SLC25A15: variants seen among roughly 807,000 people sequenced by gnomAD.
The protein encoded by SLC25A15 is solute carrier family 25 member 15.
Under a neutral mutation model 32.3 loss-of-function variants are expected in SLC25A15, and 24 were observed. That is an observed-to-expected ratio of 0.74 (90% CI 0.54 to 1.04). SLC25A15 has a LOEUF of 1.04. Ranked by LOEUF, SLC25A15 falls within the 50% of genes least tolerant of loss-of-function variation. The pLI is 0.00. For synonymous variants in SLC25A15, 132 were observed against 142.1 expected, an observed-to-expected ratio of 0.93 and a Z score of 0.51; for missense variants, 317 against 374.5, an observed-to-expected ratio of 0.85 and a Z score of 1.27.
At chr13:40,796,669 G>T (rs1438641645) in intron 2 of SLC25A15, among the ~76,000 whole-genome samples, 1 of 152,112 alleles carries the variant, frequency 6.6e-6, no homozygotes, top group East Asian at 1.9e-4. Flanking sequence ...GCCTCCAGAG[G>T]GGTTTGAGGG....
At chr13:40,793,776 T>C (rs1176597634) in intron 2 of SLC25A15, among the ~76,000 whole-genome samples, 1 of 152,208 alleles carries the variant, frequency 6.6e-6, no homozygotes, top group Non-Finnish European at 1.5e-5. Flanking sequence ...GTTCAGAGAG[T>C]AGCAGAAGCT....
intron 2 of SLC25A15, among the ~76,000 whole-genome samples, chr13:40,796,884 T>C (rs1277653835): frequency 6.6e-6 from 1 of 152,214 alleles, no homozygotes; most frequent in East Asian, 1.9e-4. Flanking sequence ...TATGACATAA[T>C]CTGAGTGCCT....
chr13:40,796,610 A>C (rs1881676850), intron 2 of SLC25A15, among the ~76,000 whole-genome samples: 1 of 152,152 alleles, frequency 6.6e-6, no homozygotes, highest in Non-Finnish European at 1.5e-5. Context: ...TTTTGATTGG[A>C]GTTTCTTGAA....
At chr13:40,796,482 G>C (rs1330231463) in intron 2 of SLC25A15, among the ~76,000 whole-genome samples, 6 of 152,248 alleles carry the variant, frequency 3.9e-5, no homozygotes, top group Non-Finnish European at 7.3e-5. Flanking sequence ...AAACAATGCA[G>C]TCACTACTTT....
At position 40,805,124 on chromosome 13, in the gene SLC25A15, G is replaced by A. The variant is rs750924937; in HGVS notation, c.321G>A (p.Leu107=). ...TCTGCTTGTGTGCTTTCAGTGATCTGCAGAATGCAGCCGCCGGTTCCTTCG... is the reference window on the plus strand; with the variant it reads ...TCTGCTTGTGTGCTTTCAGTGATCTACAGAATGCAGCCGCCGGTTCCTTCG... The part of the protein sequence containing the change: ...GLDKQAKLSD[L]QNAAAGSFAS... The change falls in exon 4 of 7, where the codon CTG becomes CTA. Residue 107 remains leucine (L), a synonymous_variant. Transcript: ENST00000338625. 3.1e-6 allele frequency: 5 copies of A among 1,614,054 alleles called. No homozygotes were observed. The highest frequency in any genetic ancestry group is 4.2e-6 in the Non-Finnish European group (5 of 1,179,968).
Position 40,798,808 on chromosome 13 carries a change from C to T in SLC25A15, c.56-249C>T, listed in dbSNP as rs2297013. ...TCCTACATATTCACTGCACTGTTTG[C>T]CGCTGTTGAACACATGTCTGTCTCT... On this transcript the variant is annotated intron_variant, in intron 2 of 6. Coordinates refer to ENST00000338625, the MANE Select transcript of SLC25A15 (RefSeq NM_014252.4). 0.4 allele frequency: 392,057 copies of T among 983,536 alleles called. 79,484 individuals carry two copies. Among genetic ancestry groups the T allele is most frequent in the East Asian group, 0.51 (4,493 of 8,792 alleles). 60.9% of individuals were successfully genotyped at this position (983,536 alleles called of 1,614,324 possible).
rs1168908173 is a variant in SLC25A15 at position 40,810,966 on chromosome 13, T to G, written c.*1299T>G. On this transcript the variant is annotated 3_prime_UTR_variant, in exon 7 of 7. Transcript: ENST00000338625. ...GTGAGAGCCAAAGCCAAGAGAAGCC[T>G]TCTTCCCTGTTTGGTGATTGTGTGA... is the stretch of plus-strand genomic sequence containing the variant. 1 of 433,772 alleles carries G rather than the reference T, an allele frequency of 2.3e-6. No individual in the cohort carries two copies. The highest frequency in any genetic ancestry group is 4.7e-6 in the Non-Finnish European group (1 of 213,920). The allele number at this position is 433,772 out of a possible 1,614,324, so 26.9% of individuals were successfully genotyped here.
chr13:40,805,266 C>T lies in SLC25A15; in HGVS notation c.452+11C>T. 3 of 1,614,098 alleles carry T rather than the reference C, an allele frequency of 1.9e-6. No homozygotes were observed. Among genetic ancestry groups the T allele is most frequent in the Non-Finnish European group, 2.5e-6 (3 of 1,179,984 alleles). ...AGCCAAGAGCCAGAAGTAAGCACCA[C>T]TTGGGCACAAACGTCAGGTCTCTAT... On this transcript the variant is annotated intron_variant, in intron 4 of 6. Transcript: ENST00000338625.
At position 40,807,195 on chromosome 13, in the gene SLC25A15, C is replaced by T. The variant is rs73465201; in HGVS notation, c.453-99C>T. 359 of 1,090,630 alleles carry T rather than the reference C, an allele frequency of 3.3e-4. 1 individual carries two copies. The African/African-American group carries it at 4.2e-3, about 13-fold the overall frequency. The allele number at this position is 1,090,630 out of a possible 1,614,324, so 67.6% of individuals were successfully genotyped here. ...ATTTACAAAATCAGCTTCTTCCTTA[C>T]TAGTGCTTGATCAGATCTGTTAATT... On this transcript the variant is annotated intron_variant, in intron 4 of 6. Transcript: ENST00000338625.
chr13:40,792,495 A>C (rs1392339415), intron 1 of SLC25A15, among the ~76,000 whole-genome samples: 1 of 152,234 alleles, frequency 6.6e-6, no homozygotes, highest in African/African-American at 2.4e-5. Context: ...GTGTGACAGG[A>C]AGATGCTTGC....
intron 2 of SLC25A15, among the ~76,000 whole-genome samples, chr13:40,794,792 C>T (rs1254366678): frequency 6.6e-6 from 1 of 152,012 alleles, no homozygotes. Flanking sequence ...CAGCACACCC[C>T]CCACCCCCAC....
In SLC25A15 at chr13:40,809,909, G is replaced by A; in HGVS notation, c.*242G>A. The stretch of plus-strand genomic sequence containing the variant: ...GCTCTTGCTCTTGGTAAAATATAGA[G>A]TGGTCAGTAGCCTTATGCACCTAAT... On this transcript the variant is annotated 3_prime_UTR_variant, in exon 7 of 7. Coordinates refer to ENST00000338625, the MANE Select transcript of SLC25A15 (RefSeq NM_014252.4). 4 of 513,596 alleles carry A rather than the reference G, an allele frequency of 7.8e-6. No homozygotes were observed. The highest frequency in any genetic ancestry group is 1.4e-5 in the Non-Finnish European group (4 of 283,684). The allele number at this position is 513,596 out of a possible 1,614,324, so 31.8% of individuals were successfully genotyped here.
In SLC25A15 at chr13:40,811,570, C is replaced by G. The variant is rs1457621708; in HGVS notation, c.*1903C>G. Among the ~76,000 whole-genome samples, 1 of 152,104 alleles carries G rather than the reference C, an allele frequency of 6.6e-6. No individual in the cohort carries two copies. Among genetic ancestry groups the G allele is most frequent in the Non-Finnish European group, 1.5e-5 (1 of 67,998 alleles). On this transcript the variant is annotated 3_prime_UTR_variant, in exon 7 of 7. Coordinates refer to ENST00000338625, the MANE Select transcript of SLC25A15 (RefSeq NM_014252.4). The stretch of plus-strand genomic sequence containing the variant: ...ACTGACCAAAAATTCACTGACCAAC[C>G]AACCAAACTCCACACTTCATCTGAT...
chr13:40,812,048 C>T lies in SLC25A15; in HGVS notation c.*2381C>T, dbSNP rs571430821. Among the ~76,000 whole-genome samples, 1 of 152,296 alleles carries T rather than the reference C, an allele frequency of 6.6e-6. No individual in the cohort carries two copies. The highest frequency in any genetic ancestry group is 6.5e-5 in the Admixed American group (1 of 15,292). On this transcript the variant is annotated 3_prime_UTR_variant, in exon 7 of 7. Transcript: ENST00000338625. ...AAAACCATTTTTCTACTTTGCTTTT[C>T]TCTCCATACTTAAATGGTCAGTAGC...
At position 40,807,195 on chromosome 13, in the gene SLC25A15, C is replaced by G. The variant is rs73465201; in HGVS notation, c.453-99C>G. On this transcript the variant is annotated intron_variant, in intron 4 of 6. Coordinates refer to ENST00000338625, the MANE Select transcript of SLC25A15 (RefSeq NM_014252.4). Reference sequence around the variant, plus strand: ...ATTTACAAAATCAGCTTCTTCCTTACTAGTGCTTGATCAGATCTGTTAATT... The same window carrying G: ...ATTTACAAAATCAGCTTCTTCCTTAGTAGTGCTTGATCAGATCTGTTAATT... The G allele has an allele frequency of 8.8e-4, 965 of 1,090,628 alleles. 1 individual carries two copies. The highest frequency in any genetic ancestry group is 1.2e-3 in the Non-Finnish European group (810 of 704,104). 67.6% of individuals were successfully genotyped at this position (1,090,628 alleles called of 1,614,324 possible). A position where few individuals can be genotyped will look rare whatever the true frequency, so the allele number is the denominator to read the frequency against.
At chr13:40,801,229 CAAAAAAA>C (rs1246800749) in intron 3 of SLC25A15, among the ~76,000 whole-genome samples, 7 of 83,776 alleles carry the variant, frequency 8.4e-5, no homozygotes, top group Non-Finnish European at 1.7e-4. Context: ...CTGTGTCTCT[CAAAAAAA>C]AAAAAAAAAG....
intron 1 of SLC25A15, among the ~76,000 whole-genome samples, chr13:40,792,412 A>G (rs758468410): frequency 1.3e-5 from 2 of 152,184 alleles, no homozygotes; most frequent in Non-Finnish European, 2.9e-5. Context: ...CATTTTATTT[A>G]GCAAGGCCCC....
At position 40,810,382 on chromosome 13, in the gene SLC25A15, C is replaced by T. The variant is rs542592916; in HGVS notation, c.*715C>T. ...TTCACCATGTTGTCCAGGTTGGTCT[C>T]GAACTCCTGACCTCAAGTGATCCGC... On this transcript the variant is annotated 3_prime_UTR_variant, in exon 7 of 7. Coordinates refer to ENST00000338625, the MANE Select transcript of SLC25A15 (RefSeq NM_014252.4). Among the ~76,000 whole-genome samples the T allele has an allele frequency of 3.3e-5, 5 of 152,176 alleles. No individual in the cohort carries two copies. In the East Asian group the frequency reaches 7.7e-4, roughly 24 times the overall value.
intron 4 of SLC25A15, 41 bp from the exon 5 acceptor site, chr13:40,807,253 C>T (rs959137773): frequency 6.3e-7 from 1 of 1,598,080 alleles, no homozygotes; most frequent in Non-Finnish European, 8.6e-7. Context: ...TCTTCCTTCC[C>T]ACCTGCTGTA....
Sources: gnomAD v4.1 joint callset for allele counts (sites outside exome capture counted in the v4.1 genomes callset) on GRCh38, gnomAD v4.1.1 for gene constraint, MANE v1.5 for transcripts, NCBI Gene and HGNC (gene_info 2026-07-23, HGNC 2026-07-21) for gene names.